SUCLA2: variants seen among roughly 807,000 people sequenced by gnomAD.
The protein encoded by SUCLA2 is succinate-CoA ligase ADP-forming subunit beta.
In SUCLA2, 30 loss-of-function variants were observed where a neutral mutation model predicts 54.8. The ratio of observed to expected loss-of-function variants is 0.55; its 90% confidence interval spans 0.41 to 0.74. SUCLA2 has a LOEUF of 0.74. Among genes scored for constraint, SUCLA2 ranks in the 30% least tolerant of loss-of-function variants. The pLI is 0.00. For synonymous variants in SUCLA2, 172 were observed against 188.9 expected (o/e 0.91, Z 0.74); for missense variants, 476 against 562.9 (o/e 0.85, Z 1.56).
intron 4 of SUCLA2, among the ~76,000 whole-genome samples, chr13:47,974,597 A>G (rs2137723629): frequency 6.6e-6 from 1 of 152,284 alleles, no homozygotes; most frequent in South Asian, 2.1e-4. Context: ...AAAAAAAAGT[A>G]AAATACAATA....
chr13:47,967,584 T>C (rs145343349), intron 6 of SUCLA2, among the ~76,000 whole-genome samples: 4,997 of 152,210 alleles, frequency 0.033, 286 homozygotes, highest in African/African-American at 0.11. Flanking sequence ...CTCACGCCTG[T>C]AATCCCAGCA....
chr13:47,949,426 T>C, intron 9 of SUCLA2, 57 bp downstream of exon 9: 2 of 1,599,222 alleles, frequency 1.3e-6, no homozygotes, highest in Non-Finnish European at 1.7e-6. Context: ...CTGAACTCCA[T>C]GGAAATGTGA....
chr13:47,968,483 C>T (rs1949936547), intron 6 of SUCLA2, 112 bp downstream of exon 6: 2 of 1,270,670 alleles, frequency 1.6e-6, no homozygotes, highest in Non-Finnish European at 1.1e-6. Context: ...TTTTAAAAAG[C>T]TTCTACATAG....
At chr13:47,959,800 A>C (rs1219842107) in intron 6 of SUCLA2, among the ~76,000 whole-genome samples, 1 of 152,212 alleles carries the variant, frequency 6.6e-6, no homozygotes, top group Non-Finnish European at 1.5e-5. Context: ...GTCTTGATGA[A>C]GGTAAAATAA....
In SUCLA2 at chr13:47,954,158, A is replaced by G; in HGVS notation, c.1089T>C (p.Leu363=). The change falls in exon 8 of 11, where the codon CTT becomes CTC. Residue 363 remains leucine (L), a synonymous_variant. Coordinates refer to ENST00000646932, the MANE Select transcript of SUCLA2 (RefSeq NM_003850.3). ...TVHQVTEAFK[L]ITSDKKVLAI... Reference sequence around the variant, plus strand: ...CCCTTACCTTTTTATCTGAAGTGATAAGCTTAAATGCTTCTGTTACTTGAT... The same window carrying G: ...CCCTTACCTTTTTATCTGAAGTGATGAGCTTAAATGCTTCTGTTACTTGAT... 1 of 1,613,572 alleles carries G rather than the reference A, an allele frequency of 6.2e-7. No homozygotes were observed. The highest frequency in any genetic ancestry group is 1.1e-5 in the South Asian group (1 of 91,058).
intron 4 of SUCLA2, 65 bp from the exon 5 acceptor site, chr13:47,973,457 A>G (rs1346434204): frequency 1.7e-5 from 26 of 1,564,118 alleles, no homozygotes; most frequent in African/African-American, 2.7e-5. Flanking sequence ...AAACTTTAAA[A>G]CCTACCCGTG....
chr13:47,984,638 TC>T (rs1412491234), intron 4 of SUCLA2, among the ~76,000 whole-genome samples: 1 of 152,102 alleles, frequency 6.6e-6, no homozygotes, highest in African/African-American at 2.4e-5. Context: ...TAGCAGGGCA[TC>T]GTGGAATGCA....
chr13:47,943,705 A>C (rs960438133), intron 10 of SUCLA2, among the ~76,000 whole-genome samples: 69 of 150,616 alleles, frequency 4.6e-4, no homozygotes, highest in Non-Finnish European at 4.9e-4. Flanking sequence ...TATGTATTAC[A>C]TAAGATTATA....
intron 3 of SUCLA2, 69 bp downstream of exon 3, chr13:47,988,813 A>G (rs1593500513): frequency 6.3e-7 from 1 of 1,593,554 alleles, no homozygotes; most frequent in Admixed American, 1.7e-5. Flanking sequence ...CAGTATTTTC[A>G]TCAATTCAAT....
intron 4 of SUCLA2, among the ~76,000 whole-genome samples, chr13:47,983,665 A>G (rs1950076638): frequency 6.6e-6 from 1 of 151,790 alleles, no homozygotes; most frequent in Non-Finnish European, 1.5e-5. Flanking sequence ...AATTTTTTGT[A>G]CTTTTAGTAG....
chr13:47,988,393 A>T, intron 4 of SUCLA2, 148 bp downstream of exon 4: 1 of 863,112 alleles, frequency 1.2e-6, no homozygotes, highest in Non-Finnish European at 1.7e-6. Context: ...GCTGTTTTTT[A>T]AATGACATAA....
chr13:47,978,458 C>T (rs2137728875), intron 4 of SUCLA2, among the ~76,000 whole-genome samples: 1 of 152,270 alleles, frequency 6.6e-6, no homozygotes, highest in South Asian at 2.1e-4. Context: ...AACTGGCTAG[C>T]CATATGCAGA....
chr13:47,979,297 T>A (rs1204595913), intron 4 of SUCLA2, among the ~76,000 whole-genome samples: 1 of 152,198 alleles, frequency 6.6e-6, no homozygotes, highest in Non-Finnish European at 1.5e-5. Flanking sequence ...CACCATGGAA[T>A]ACTATGCAGC....
chr13:47,993,727 C>A (rs1430217281), intron 2 of SUCLA2, among the ~76,000 whole-genome samples: 2 of 152,112 alleles, frequency 1.3e-5, no homozygotes, highest in East Asian at 1.9e-4. Context: ...TTGAGCAAAG[C>A]GCTGAGTTAA....
At chr13:47,994,593 C>T (rs572195786) in intron 2 of SUCLA2, among the ~76,000 whole-genome samples, 5 of 149,436 alleles carry the variant, frequency 3.3e-5, no homozygotes, top group Non-Finnish European at 5.9e-5. Flanking sequence ...AAAAAAACCA[C>T]GAAATTGTCC....
At chr13:47,946,588 T>C (rs1205422899) in intron 10 of SUCLA2, among the ~76,000 whole-genome samples, 1 of 147,076 alleles carries the variant, frequency 6.8e-6, no homozygotes, top group Non-Finnish European at 1.5e-5. Context: ...GTGTTTTTTT[T>C]TTTTTAAAAA....
At chr13:47,989,100 T>C in intron 2 of SUCLA2, 119 bp from the exon 3 acceptor site, 1 of 998,888 alleles carries the variant, frequency 1.0e-6, no homozygotes, top group South Asian at 1.4e-5. Context: ...TTATTCACAA[T>C]GTCCAAAAAT....
chr13:47,968,587 T>C lies in SUCLA2; in HGVS notation c.802+8A>G, dbSNP rs541958666. ...CATAATCATGTTAGACAAAAGAAGA[T>C]ACTTTACCAGCTCCATCTGAATCTT... On this transcript the variant is annotated splice_region_variant and intron_variant, in intron 6 of 10. Coordinates refer to ENST00000646932, the MANE Select transcript of SUCLA2 (RefSeq NM_003850.3). The C allele has an allele frequency of 5.0e-6, 8 of 1,611,454 alleles. No homozygotes were observed. The highest frequency in any genetic ancestry group is 4.5e-5 in the East Asian group (2 of 44,776).
At chr13:47,966,751 C>T (rs984567612) in intron 6 of SUCLA2, among the ~76,000 whole-genome samples, 1 of 150,410 alleles carries the variant, frequency 6.6e-6, no homozygotes, top group Non-Finnish European at 1.5e-5. Flanking sequence ...TGTGATGGCT[C>T]ACACCTTTAA....
Sources: gnomAD v4.1 joint callset for allele counts (sites outside exome capture counted in the v4.1 genomes callset) on GRCh38, gnomAD v4.1.1 for gene constraint, MANE v1.5 for transcripts, NCBI Gene and HGNC (gene_info 2026-07-23, HGNC 2026-07-21) for gene names.